Variants in GGTA1 observed in about 807,000 individuals in gnomAD.
GGTA1 encodes inactive N-acetyllactosaminide alpha-1,3-galactosyltransferase.
GGTA1 carries 5 observed loss-of-function variants against 2.6 expected under a neutral mutation model. The observed-to-expected ratio is 1.92, with a 90% CI of 1.00 to 4.04. The LOEUF is 4.04. GGTA1 is among the 30% of genes most tolerant of loss of function. GGTA1 has a pLI of 0.00. For synonymous variants in GGTA1, 17 were observed against 5.0 expected, an observed-to-expected ratio of 3.38 and a Z score of -3.19; for missense variants, 50 against 16.7, an observed-to-expected ratio of 2.99 and a Z score of -3.47.
intron 1 of GGTA1, among the ~76,000 whole-genome samples, chr9:121,481,671 ACT>A (rs1450306983): frequency 9.9e-6 from 1 of 100,606 alleles, no homozygotes. Context: ...ATAGAGTGAG[ACT>A]CTGTCTCAAA....
exon 8 of GGTA1, chr9:121,445,255 C>G (rs1442343648): frequency 6.6e-6 from 1 of 152,172 alleles, no homozygotes; most frequent in African/African-American, 2.4e-5. Flanking sequence ...AATAGAGAAG[C>G]AGGAGTCTTA....
chr9:121,460,254 G>A (rs1290022110), intron 4 of GGTA1, 35 bp from the exon 5 acceptor site: 1 of 456,924 alleles, frequency 2.2e-6, no homozygotes, highest in Admixed American at 2.4e-5. Context: ...AGGTAAGGCA[G>A]GGAAGGTGAT....
intron 1 of GGTA1, among the ~76,000 whole-genome samples, chr9:121,481,046 G>T (rs989402891): frequency 2.6e-5 from 4 of 151,320 alleles, no homozygotes; most frequent in Non-Finnish European, 5.9e-5. Flanking sequence ...CCAGCAACTC[G>T]GGAGGCTGAG....
At chr9:121,480,699 A>C (rs1828625004) in intron 1 of GGTA1, among the ~76,000 whole-genome samples, 1 of 152,206 alleles carries the variant, frequency 6.6e-6, no homozygotes. Context: ...ATTTGGCCAC[A>C]ACCTTTAGGG....
intron 2 of GGTA1, among the ~76,000 whole-genome samples, chr9:121,466,583 A>G (rs1195588312): frequency 6.6e-6 from 1 of 152,134 alleles, no homozygotes; most frequent in Admixed American, 6.6e-5. Context: ...TTCTTCTGCT[A>G]CTGATGCACC....
intron 1 of GGTA1, among the ~76,000 whole-genome samples, chr9:121,488,867 C>T (rs1181569871): frequency 6.6e-6 from 1 of 152,188 alleles, no homozygotes; most frequent in African/African-American, 2.4e-5. Flanking sequence ...TGAGATCATA[C>T]CACTGCACTG....
intron 7 of GGTA1, among the ~76,000 whole-genome samples, chr9:121,449,996 A>T (rs1469808607): frequency 6.6e-6 from 1 of 152,148 alleles, no homozygotes; most frequent in South Asian, 2.1e-4. Flanking sequence ...ACTTGACCAA[A>T]CCCTAAACAC....
intron 1 of GGTA1, among the ~76,000 whole-genome samples, chr9:121,470,677 A>G (rs1182480276): frequency 6.6e-6 from 1 of 152,258 alleles, no homozygotes; most frequent in Non-Finnish European, 1.5e-5. Flanking sequence ...CCTGTCATCC[A>G]TTCCTGGGCG....
At chr9:121,488,513 G>A (rs545126595) in intron 1 of GGTA1, among the ~76,000 whole-genome samples, 6 of 152,234 alleles carry the variant, frequency 3.9e-5, no homozygotes, top group African/African-American at 7.2e-5. Context: ...TCAGGAGTTC[G>A]AGACCAGCCT....
chr9:121,495,489 G>A (rs577834935), intron 1 of GGTA1, among the ~76,000 whole-genome samples: 3 of 152,152 alleles, frequency 2.0e-5, no homozygotes, highest in African/African-American at 7.2e-5. Context: ...GGAGGTTGCA[G>A]TGAGCTGAGA....
downstream of GGTA1, among the ~76,000 whole-genome samples, chr9:121,451,246 C>T (rs566356046): frequency 7.2e-5 from 11 of 152,142 alleles, no homozygotes; most frequent in South Asian, 2.1e-4. Context: ...CACCCAGGGG[C>T]GTGATCTCAG....
At chr9:121,468,048 A>C in intron 1 of GGTA1, 117 bp from the exon 2 acceptor site, 1 of 385,902 alleles carries the variant, frequency 2.6e-6, no homozygotes, top group Non-Finnish European at 5.1e-6. Flanking sequence ...ACTATACTTT[A>C]AGTTCTGGGA....
chr9:121,462,244 G>A (rs1312212175), intron 3 of GGTA1, among the ~76,000 whole-genome samples: 3 of 152,044 alleles, frequency 2.0e-5, no homozygotes, highest in African/African-American at 7.3e-5. Flanking sequence ...AGGATTGCTT[G>A]AACCCAGGAG....
intron 4 of GGTA1, among the ~76,000 whole-genome samples, chr9:121,460,697 T>C (rs992261824): frequency 2.0e-5 from 3 of 151,950 alleles, no homozygotes; most frequent in Admixed American, 2.0e-4. Context: ...ATACAAAAAT[T>C]AGCCGAGTGT....
At chr9:121,479,008 C>T in intron 1 of GGTA1, 1 of 448,582 alleles carries the variant, frequency 2.2e-6, no homozygotes, top group South Asian at 1.6e-5. Context: ...CTCCAGGCTG[C>T]AGCTTGGCTG....
chr9:121,496,393 A>C (rs1828992637), intron 1 of GGTA1, among the ~76,000 whole-genome samples: 1 of 151,952 alleles, frequency 6.6e-6, no homozygotes, highest in South Asian at 2.1e-4. Context: ...TTCTGCCCTG[A>C]CTCATGTTAT....
chr9:121,488,668 G>A (rs1346037395), intron 1 of GGTA1, among the ~76,000 whole-genome samples: 3 of 152,100 alleles, frequency 2.0e-5, no homozygotes, highest in Non-Finnish European at 2.9e-5. Flanking sequence ...AGTGAGCCAA[G>A]GTCTCTCCAT....
At chr9:121,486,937 T>G (rs1828768126) in intron 1 of GGTA1, among the ~76,000 whole-genome samples, 2 of 152,154 alleles carry the variant, frequency 1.3e-5, no homozygotes, top group Admixed American at 1.3e-4. Flanking sequence ...GTACCCCTAT[T>G]TGCTCTTCGG....
intron 1 of GGTA1, among the ~76,000 whole-genome samples, chr9:121,472,251 C>CA (rs1828406291): frequency 6.6e-6 from 1 of 152,122 alleles, no homozygotes; most frequent in Admixed American, 6.5e-5. Flanking sequence ...AATCCATGTC[C>CA]AAAAAATTCT....
Sources: allele counts gnomAD v4.1 joint callset (sites outside exome capture counted in the v4.1 genomes callset), GRCh38; gene constraint gnomAD v4.1.1; transcripts MANE v1.5; gene names NCBI Gene and HGNC (gene_info 2026-07-23, HGNC 2026-07-21).